Variants in TXLNB observed in about 807,000 individuals in gnomAD.
The protein encoded by TXLNB is taxilin beta.
TXLNB carries 37 observed loss-of-function variants against 57.4 expected under a neutral mutation model. That is an observed-to-expected ratio of 0.64 (90% CI 0.50 to 0.85). The LOEUF is 0.85. TXLNB is among the 40% of genes least tolerant of loss of function. The probability of loss-of-function intolerance (pLI) is 0.00; values close to 1 mark genes in which losing one functional copy is unlikely to be tolerated. For synonymous variants in TXLNB, 302 were observed against 309.6 expected (o/e 0.98, Z 0.26); for missense variants, 848 against 825.6 (o/e 1.03, Z -0.33).
At chr6:139,267,230 A>G (rs1357992036) in intron 4 of TXLNB, among the ~76,000 whole-genome samples, 1 of 152,184 alleles carries the variant, frequency 6.6e-6, no homozygotes, top group Non-Finnish European at 1.5e-5. Flanking sequence ...AAAGGGATAT[A>G]GTTTTGCCTT....
At chr6:139,236,193 G>T (rs1775834506), downstream of TXLNB, among the ~76,000 whole-genome samples, 1 of 152,168 alleles carries the variant, frequency 6.6e-6, no homozygotes, top group African/African-American at 2.4e-5. Context: ...CTCTGTCCTT[G>T]TGATAAGTCA....
the TXLNB span, among the ~76,000 whole-genome samples, chr6:139,209,028 T>C: frequency 6.6e-6 from 1 of 152,200 alleles, no homozygotes; most frequent in Non-Finnish European, 1.5e-5. Flanking sequence ...CATGATCGTA[T>C]ATCTAGAAAA....
the TXLNB span, among the ~76,000 whole-genome samples, chr6:139,226,786 G>A: frequency 6.6e-6 from 1 of 152,192 alleles, no homozygotes; most frequent in East Asian, 1.9e-4. Flanking sequence ...CCAGCACTTT[G>A]GGAGGCTGAG....
chr6:139,316,493 T>A, the TXLNB span, among the ~76,000 whole-genome samples: 3 of 152,200 alleles, frequency 2.0e-5, no homozygotes, highest in East Asian at 5.8e-4. Context: ...TCTACCCTAT[T>A]TCTTAGCTAT....
At chr6:139,306,763 T>G in the TXLNB span, among the ~76,000 whole-genome samples, 1 of 152,186 alleles carries the variant, frequency 6.6e-6, no homozygotes, top group African/African-American at 2.4e-5. Flanking sequence ...CTGACCAAGG[T>G]AGGCAGCAGG....
chr6:139,304,696 C>T, the TXLNB span, among the ~76,000 whole-genome samples: 2 of 152,166 alleles, frequency 1.3e-5, no homozygotes, highest in Non-Finnish European at 1.5e-5. Context: ...CCTGCAGAAA[C>T]CAGAGAAACT....
At chr6:139,164,091 C>CTT in the TXLNB span, among the ~76,000 whole-genome samples, 171 of 151,682 alleles carry the variant, frequency 1.1e-3, no homozygotes, top group African/African-American at 4.1e-3. Flanking sequence ...CTCTCTCTCT[C>CTT]TCTCTCTCTG....
the TXLNB span, among the ~76,000 whole-genome samples, chr6:139,311,969 G>A: frequency 6.6e-6 from 1 of 152,142 alleles, no homozygotes; most frequent in South Asian, 2.1e-4. Context: ...AAAGGCACTA[G>A]TCTCATACCC....
upstream of TXLNB, among the ~76,000 whole-genome samples, chr6:139,296,210 C>T (rs1009359084): frequency 6.6e-6 from 1 of 152,142 alleles, no homozygotes; most frequent in African/African-American, 2.4e-5. Context: ...CCTCTAGTGG[C>T]TTCCTGAGAA....
the TXLNB span, among the ~76,000 whole-genome samples, chr6:139,320,996 C>T: frequency 5.3e-5 from 8 of 152,176 alleles, no homozygotes; most frequent in African/African-American, 1.9e-4. Flanking sequence ...GTAAAAGGAA[C>T]CTAGATCCCT....
chr6:139,189,408 A>T, the TXLNB span, among the ~76,000 whole-genome samples: 3 of 152,346 alleles, frequency 2.0e-5, no homozygotes, highest in Non-Finnish European at 4.4e-5. Context: ...AAAATAGTCA[A>T]ATTAGTGTTT....
chr6:139,281,413 C>T (rs1018539953), intron 2 of TXLNB, among the ~76,000 whole-genome samples: 1 of 151,936 alleles, frequency 6.6e-6, no homozygotes, highest in Non-Finnish European at 1.5e-5. Flanking sequence ...TACCACCTAG[C>T]CTGTGTTTTC....
chr6:139,210,686 C>T, the TXLNB span, among the ~76,000 whole-genome samples: 24 of 152,352 alleles, frequency 1.6e-4, no homozygotes, highest in Middle Eastern at 3.4e-3. Flanking sequence ...GGCGAGGCAT[C>T]GCCTCACCCG....
In TXLNB at chr6:139,262,778, G is replaced by A. The variant is rs373326631; in HGVS notation, c.688-5C>T. On this transcript the variant is annotated splice_region_variant and splice_polypyrimidine_tract_variant and intron_variant, in intron 4 of 9. Coordinates refer to ENST00000358430, the MANE Select transcript of TXLNB (RefSeq NM_153235.4). The stretch of plus-strand genomic sequence containing the variant: ...TGCCCGCTGAAGCGCCTCTTCCTGC[G>A]GATAAAAAGCAAAACATTTTGTTTA... 120 of 1,611,186 alleles carry A rather than the reference G, an allele frequency of 7.4e-5. 1 individual carries two copies. The highest frequency in any genetic ancestry group is 9.5e-5 in the Non-Finnish European group (112 of 1,178,998).
chr6:139,206,795 G>T, the TXLNB span, among the ~76,000 whole-genome samples: 1 of 152,132 alleles, frequency 6.6e-6, no homozygotes, highest in East Asian at 1.9e-4. Context: ...AGGTAAAGGG[G>T]TGGAAAAAGA....
At chr6:139,170,619 C>A in the TXLNB span, 108,158 of 152,226 alleles carry the variant, frequency 0.71, 39,666 homozygotes, top group African/African-American at 0.86. Context: ...CGATGAGGAG[C>A]TAGGGAGAGA....
At chr6:139,223,945 G>T in the TXLNB span, among the ~76,000 whole-genome samples, 1 of 149,868 alleles carries the variant, frequency 6.7e-6, no homozygotes, top group Non-Finnish European at 1.5e-5. Flanking sequence ...CCCATTACTG[G>T]GTATCTACCC....
intron 1 of TXLNB, among the ~76,000 whole-genome samples, chr6:139,289,528 T>C (rs1777259723): frequency 6.6e-6 from 1 of 152,032 alleles, no homozygotes; most frequent in African/African-American, 2.4e-5. Context: ...TCCTGCTGCA[T>C]TACAATTATT....
At chr6:139,228,526 CA>C in the TXLNB span, among the ~76,000 whole-genome samples, 1,069 of 44,272 alleles carry the variant, frequency 0.024, 18 homozygotes, top group East Asian at 0.19. Flanking sequence ...AACTCCATCT[CA>C]AAAAAAAAAA....
Sources: allele counts gnomAD v4.1 joint callset (sites outside exome capture counted in the v4.1 genomes callset), GRCh38; gene constraint gnomAD v4.1.1; transcripts MANE v1.5; gene names NCBI Gene and HGNC (gene_info 2026-07-23, HGNC 2026-07-21).